CRACD: variants seen among roughly 807,000 people sequenced by gnomAD.
CRACD encodes capping protein inhibiting regulator of actin dynamics.
A neutral mutation model predicts 106.8 loss-of-function variants in CRACD; 56 were observed. That is an observed-to-expected ratio of 0.52 (90% confidence interval 0.42 to 0.66). CRACD has a LOEUF of 0.66. CRACD is among the 30% of genes least tolerant of loss of function. CRACD has a pLI of 0.00. For synonymous variants in CRACD, 754 were observed against 670.8 expected, an observed-to-expected ratio of 1.12 and a Z score of -1.92; for missense variants, 1,730 against 1,623.2, an observed-to-expected ratio of 1.07 and a Z score of -1.13.
chr4:56,240,301 G>A (rs895315218), intron 2 of CRACD, among the ~76,000 whole-genome samples: 2 of 152,186 alleles, frequency 1.3e-5, no homozygotes, highest in East Asian at 3.9e-4. Flanking sequence ...TAGGTAGGGG[G>A]ATTCCTAACA....
chr4:56,295,672 TA>T (rs1223263688), intron 3 of CRACD, among the ~76,000 whole-genome samples: 2 of 3,874 alleles, frequency 5.2e-4, no homozygotes, highest in African/African-American at 9.8e-4. Context: ...TATATATATA[TA>T]TATATATATA....
chr4:56,051,611 G>A (rs1731878634), intron 1 of CRACD, among the ~76,000 whole-genome samples: 1 of 152,100 alleles, frequency 6.6e-6, no homozygotes, highest in Non-Finnish European at 1.5e-5. Flanking sequence ...AACAATGCCA[G>A]GGACAGAAGC....
At chr4:56,236,226 A>T (rs767351672) in intron 2 of CRACD, among the ~76,000 whole-genome samples, 8 of 152,124 alleles carry the variant, frequency 5.3e-5, no homozygotes, top group Non-Finnish European at 8.8e-5. Context: ...AGGCCACGTG[A>T]AGAGACTGGA....
chr4:56,232,774 G>A (rs945435004), intron 2 of CRACD, among the ~76,000 whole-genome samples: 1 of 151,068 alleles, frequency 6.6e-6, no homozygotes, highest in Admixed American at 6.6e-5. Flanking sequence ...ACCCAGGCTG[G>A]AGTGCAGTGG....
chr4:56,157,636 A>AT (rs1038023308), intron 1 of CRACD, among the ~76,000 whole-genome samples: 43 of 152,076 alleles, frequency 2.8e-4, no homozygotes, highest in African/African-American at 9.9e-4. Flanking sequence ...ACACTATGCT[A>AT]TTTTTTTTAA....
chr4:56,223,222 CT>C (rs1478080424), intron 2 of CRACD, among the ~76,000 whole-genome samples: 2 of 89,670 alleles, frequency 2.2e-5, no homozygotes, highest in African/African-American at 6.1e-5. Flanking sequence ...TGATTCTTTT[CT>C]CTTTTTTTTT....
At chr4:56,188,659 TTC>T (rs60141459) in intron 2 of CRACD, among the ~76,000 whole-genome samples, 16,268 of 82,648 alleles carry the variant, frequency 0.2, 1,285 homozygotes, top group East Asian at 0.43. Context: ...ATCTCTCTAT[TTC>T]TCTCTCTCTC....
At chr4:56,124,544 GA>G (rs1283759574) in intron 1 of CRACD, among the ~76,000 whole-genome samples, 2 of 152,098 alleles carry the variant, frequency 1.3e-5, no homozygotes, top group African/African-American at 4.8e-5. Context: ...TCAGTGTTCA[GA>G]TTTTCCTATT....
chr4:56,296,628 T>C (rs10009792), intron 3 of CRACD, among the ~76,000 whole-genome samples: 164 of 152,308 alleles, frequency 1.1e-3, no homozygotes, highest in African/African-American at 3.8e-3. Flanking sequence ...GGCTATTCTT[T>C]CATGCACTTG....
chr4:56,244,296 A>T (rs190514069), intron 2 of CRACD, among the ~76,000 whole-genome samples: 1 of 152,236 alleles, frequency 6.6e-6, no homozygotes, highest in East Asian at 1.9e-4. Flanking sequence ...GGGGGTTCAT[A>T]TGCTGGCAAT....
chr4:56,140,682 G>A (rs763545491), intron 1 of CRACD, among the ~76,000 whole-genome samples: 1 of 152,170 alleles, frequency 6.6e-6, no homozygotes, highest in Admixed American at 6.5e-5. Flanking sequence ...ATCCTGAACA[G>A]CGTTGTCAGC....
chr4:56,315,184 C>T lies in CRACD; in HGVS notation c.1682C>T (p.Ala561Val). 4 of 1,596,862 alleles carry T rather than the reference C, an allele frequency of 2.5e-6. No homozygotes were observed. The highest frequency in any genetic ancestry group is 3.4e-6 in the Non-Finnish European group (4 of 1,172,256). Reference sequence around the variant, plus strand: ...GTCAACCTGAGCCCCGTGACGCCCGCAAAGGACACGGGGCTCACCGCTGCT... The same window carrying T: ...GTCAACCTGAGCCCCGTGACGCCCGTAAAGGACACGGGGCTCACCGCTGCT... ...PKVNLSPVTPAKDTGLTAAPQ... is the reference protein window; with the variant it reads ...PKVNLSPVTPVKDTGLTAAPQ... The change falls in exon 8 of 11, where the codon GCA becomes GTA. Residue 561 changes from alanine (A) to valine (V), a missense_variant. This residue lies in a region of CRACD where 1,620 missense variants were observed against 1,481.6 expected (regional missense o/e 1.09). Transcript: ENST00000682029. The surrounding 1 kb of genome is among the most constrained non-coding windows in gnomAD (Gnocchi z 4.1).
chr4:56,183,926 T>C (rs1055715461), intron 2 of CRACD, among the ~76,000 whole-genome samples: 1 of 152,208 alleles, frequency 6.6e-6, no homozygotes, highest in African/African-American at 2.4e-5. Context: ...TTAACCTCTG[T>C]TCTAAATGTG....
chr4:56,109,165 G>C (rs1046553530), intron 1 of CRACD, among the ~76,000 whole-genome samples: 5 of 152,204 alleles, frequency 3.3e-5, no homozygotes, highest in Non-Finnish European at 7.3e-5. Context: ...TTGCCTTCTA[G>C]GTCACTTCTC....
intron 3 of CRACD, among the ~76,000 whole-genome samples, chr4:56,292,338 T>A (rs534686445): frequency 6.6e-6 from 1 of 152,180 alleles, no homozygotes; most frequent in African/African-American, 2.4e-5. Context: ...GGCTCTCAGT[T>A]GAGGCTCTGG....
At chr4:56,227,601 A>C (rs1002797489) in intron 2 of CRACD, among the ~76,000 whole-genome samples, 1 of 152,234 alleles carries the variant, frequency 6.6e-6, no homozygotes, top group African/African-American at 2.4e-5. Context: ...TAAATATTTT[A>C]GGCTTTACGG....
At chr4:56,190,303 T>G (rs889608424) in intron 2 of CRACD, among the ~76,000 whole-genome samples, 3 of 151,754 alleles carry the variant, frequency 2.0e-5, no homozygotes, top group African/African-American at 4.9e-5. Context: ...TCTTTATAGC[T>G]GCATGATTTA....
chr4:56,324,416 T>C (rs1376649231), intron 10 of CRACD, 150 bp downstream of exon 10: 1 of 702,876 alleles, frequency 1.4e-6, no homozygotes, highest in Non-Finnish European at 2.3e-6. Flanking sequence ...ACGTTGACAC[T>C]GATTAAGCTC....
chr4:56,056,875 C>A (rs1340913978), intron 1 of CRACD, among the ~76,000 whole-genome samples: 1 of 152,114 alleles, frequency 6.6e-6, no homozygotes, highest in Non-Finnish European at 1.5e-5. Context: ...GAATTGGAGA[C>A]CAGCCTGGGC....
Sources: allele counts gnomAD v4.1 joint callset (sites outside exome capture counted in the v4.1 genomes callset), GRCh38; gene constraint gnomAD v4.1.1; regional missense constraint gnomAD v4.1.1; non-coding constraint Gnocchi (gnomAD v3.1); transcripts MANE v1.5; gene names NCBI Gene and HGNC (gene_info 2026-07-23, HGNC 2026-07-21).